The following MBD5 variants were observed in gnomAD, a reference collection of about 807,000 sequenced individuals.
MBD5 encodes methyl-CpG binding domain protein 5.
MBD5 carries 13 observed loss-of-function variants against 117.3 expected under a neutral mutation model. The observed-to-expected ratio is 0.11, with a 90% CI of 0.07 to 0.18. MBD5 has a LOEUF of 0.18. MBD5 is among the 10% of genes least tolerant of loss of function. MBD5 has a pLI of 1.00. For missense variants in MBD5, 1,879 were observed against 2,093.8 expected (o/e 0.90, Z 2.00); for synonymous variants, 727 against 766.4 (o/e 0.95, Z 0.85).
rs1170233938 is a variant in MBD5, at chr2:148,502,608, G to A, written c.5036+99G>A. 3.0e-5 allele frequency: 35 copies of A among 1,175,362 alleles called. No individual in the cohort carries two copies. In the East Asian group the frequency reaches 8.6e-4, roughly 29 times the overall value. The allele number at this position is 1,175,362 out of a possible 1,614,324, so 72.8% of individuals were successfully genotyped here. On this transcript the variant is annotated intron_variant, in intron 12 of 13. Coordinates refer to ENST00000642680, the MANE Select transcript of MBD5 (RefSeq NM_001378120.1). ...AAATCTCACTGATTCTGTCCACGCT[G>A]TGGCCTGCCTAAGTGAAGTTTGTTA...
chr2:148,327,419 T>C (rs887148172), intron 3 of MBD5, among the ~76,000 whole-genome samples: 14 of 152,210 alleles, frequency 9.2e-5, no homozygotes, highest in Non-Finnish European at 1.6e-4. Context: ...CTGGATAATA[T>C]CCTTTAGAGT....
chr2:148,097,925 C>T (rs1005567275), intron 1 of MBD5, among the ~76,000 whole-genome samples: 8 of 152,166 alleles, frequency 5.3e-5, no homozygotes, highest in Non-Finnish European at 1.2e-4. Flanking sequence ...ACTTCATGAA[C>T]GTTTAAAACT....
intron 3 of MBD5, chr2:148,264,193 A>C (rs1261864005): frequency 6.6e-6 from 1 of 152,184 alleles, no homozygotes; most frequent in African/African-American, 2.4e-5. Context: ...CAGGCTCAGT[A>C]GGATGGCTCA....
intron 1 of MBD5, among the ~76,000 whole-genome samples, chr2:148,151,677 T>C (rs1697672365): frequency 6.6e-6 from 1 of 152,160 alleles, no homozygotes; most frequent in African/African-American, 2.4e-5. Flanking sequence ...TGGGAGAGTG[T>C]ATGTGTTGAG....
intron 1 of MBD5, among the ~76,000 whole-genome samples, chr2:148,087,692 C>T (rs1302703708): frequency 6.6e-6 from 1 of 152,112 alleles, no homozygotes; most frequent in East Asian, 1.9e-4. Context: ...AGGGATTGCC[C>T]CATGGTGCAA....
intron 3 of MBD5, among the ~76,000 whole-genome samples, chr2:148,310,321 A>G (rs1701998633): frequency 1.3e-5 from 2 of 152,088 alleles, no homozygotes; most frequent in African/African-American, 4.8e-5. Flanking sequence ...TCAATTTCAG[A>G]ACTTGTTATT....
chr2:148,412,793 A>T (rs561064448), intron 4 of MBD5, among the ~76,000 whole-genome samples: 1 of 151,974 alleles, frequency 6.6e-6, no homozygotes, highest in African/African-American at 2.4e-5. Context: ...TGATTTTTGT[A>T]CATTGATTTT....
chr2:148,316,039 G>T (rs2106551647), intron 3 of MBD5, among the ~76,000 whole-genome samples: 1 of 152,236 alleles, frequency 6.6e-6, no homozygotes, highest in Non-Finnish European at 1.5e-5. Flanking sequence ...TGTGTTACAT[G>T]GTCAGAGTAG....
In MBD5 at chr2:148,470,073, T is replaced by C; in HGVS notation, c.2130T>C (p.Cys710=). 1 of 1,613,894 alleles carries C rather than the reference T, an allele frequency of 6.2e-7. No homozygotes were observed. Residue 710 remains cysteine, a synonymous_variant, in exon 8 of 14, where the codon TGT becomes TGC. Coordinates refer to ENST00000642680, the MANE Select transcript of MBD5 (RefSeq NM_001378120.1). The part of the protein sequence containing the change: ...SMSQLLQSMS[C]QSSHLSSNST... ...CTCAGTTACTACAGTCTATGAGTTG[T>C]CAAAGCTCTCACTTGAGTAGCAATA...
chr2:148,138,541 G>A lies in MBD5; in HGVS notation c.-924-40159G>A, dbSNP rs978875573. On this transcript the variant is annotated intron_variant, in intron 1 of 13. Transcript: ENST00000642680. ...CTTGTATAGAAGAATGTCACCTCGG[G>A]AAAGATAATGGAGAAATTGTTATTT... Among the ~76,000 whole-genome samples the A allele has an allele frequency of 1.3e-4, 20 of 152,306 alleles. 1 individual carries two copies. Among genetic ancestry groups the A allele is most frequent in the South Asian group, 6.2e-4 (3 of 4,832 alleles).
chr2:148,209,879 A>G (rs1388434273), intron 2 of MBD5, among the ~76,000 whole-genome samples: 1 of 152,164 alleles, frequency 6.6e-6, no homozygotes, highest in Non-Finnish European at 1.5e-5. Context: ...GCACTAAGCC[A>G]TTCATGAGCT....
chr2:148,242,327 A>G (rs1321189312), intron 3 of MBD5, among the ~76,000 whole-genome samples: 2 of 152,002 alleles, frequency 1.3e-5, no homozygotes, highest in East Asian at 3.9e-4. Flanking sequence ...TATATTAAAT[A>G]TGTAAGGTAA....
rs533317613 is a variant in MBD5, at chr2:148,355,639, A to G, written c.-557+13303A>G. On this transcript the variant is annotated intron_variant, in intron 4 of 13. Coordinates refer to ENST00000642680, the MANE Select transcript of MBD5 (RefSeq NM_001378120.1). ...TCTCTGTTCTGTTCCATTGGTCTAT[A>G]TATCTGTTTTGGTACCAGTACCATG... Among the ~76,000 whole-genome samples, 4 of 152,168 alleles carry G rather than the reference A, an allele frequency of 2.6e-5. No homozygotes were observed. In the South Asian group the frequency reaches 6.2e-4, roughly 24 times the overall value.
intron 1 of MBD5, among the ~76,000 whole-genome samples, chr2:148,030,386 A>T (rs576483148): frequency 5.1e-4 from 77 of 152,334 alleles, no homozygotes; most frequent in Non-Finnish European, 1.0e-3. Context: ...GATCTCTAAG[A>T]TAAGCTAGGT....
intron 8 of MBD5, among the ~76,000 whole-genome samples, chr2:148,475,445 C>T (rs774163569): frequency 2.0e-5 from 3 of 151,470 alleles, no homozygotes; most frequent in East Asian, 1.9e-4. Context: ...CCAGGTTTAA[C>T]GTTTCCTTGT....
At chr2:148,462,303 G>A (rs1304315157) in intron 5 of MBD5, among the ~76,000 whole-genome samples, 1 of 152,034 alleles carries the variant, frequency 6.6e-6, no homozygotes, top group Non-Finnish European at 1.5e-5. Context: ...CTTAAGAATA[G>A]CATTTTTACC....
intron 3 of MBD5, among the ~76,000 whole-genome samples, chr2:148,302,428 G>A (rs981253142): frequency 6.6e-6 from 1 of 152,140 alleles, no homozygotes; most frequent in South Asian, 2.1e-4. Context: ...CTAAGACACA[G>A]AACAGGCTAG....
rs72856313 is a variant in MBD5 at position 148,224,880 on chromosome 2, C to T, written c.-830-8365C>T. Among the ~76,000 whole-genome samples the T allele has an allele frequency of 3.7e-3, 556 of 152,102 alleles. 1 individual carries two copies. The highest frequency in any genetic ancestry group is 5.9e-3 in the Non-Finnish European group (403 of 67,988). On this transcript the variant is annotated intron_variant, in intron 2 of 13. Coordinates refer to ENST00000642680, the MANE Select transcript of MBD5 (RefSeq NM_001378120.1). ...ATTTTGTCTGATAAAAGTATGGCCACTCCTGCTCTTTTGGTTTCCATTGGC... is the reference window on the plus strand; with the variant it reads ...ATTTTGTCTGATAAAAGTATGGCCATTCCTGCTCTTTTGGTTTCCATTGGC...
chr2:148,056,557 G>A (rs1694869837), intron 1 of MBD5, among the ~76,000 whole-genome samples: 1 of 150,938 alleles, frequency 6.6e-6, no homozygotes, highest in Non-Finnish European at 1.5e-5. Flanking sequence ...TTATTGAGAT[G>A]ATAACTGTAT....
Sources: allele counts gnomAD v4.1 joint callset (sites outside exome capture counted in the v4.1 genomes callset), GRCh38; gene constraint gnomAD v4.1.1; transcripts MANE v1.5; gene names NCBI Gene and HGNC (gene_info 2026-07-23, HGNC 2026-07-21).